TENM2: variants seen among roughly 807,000 people sequenced by gnomAD.
TENM2 encodes the protein teneurin transmembrane protein 2.
In TENM2, 52 loss-of-function variants were observed where a neutral mutation model predicts 245.2. That is an observed-to-expected ratio of 0.21 (90% CI 0.17 to 0.27). TENM2 has a LOEUF of 0.27. Among genes scored for constraint, TENM2 ranks in the 10% least tolerant of loss-of-function variants. The pLI is 1.00. For synonymous variants in TENM2, 1,363 were observed against 1,438.9 expected (o/e 0.95, Z 1.19); for missense variants, 3,046 against 3,666.8 (o/e 0.83, Z 4.37).
intron 2 of TENM2, among the ~76,000 whole-genome samples, chr5:167,663,141 GGA>G (rs544699415): frequency 0.072 from 7,830 of 108,580 alleles, 84 homozygotes; most frequent in Middle Eastern, 0.11. Context: ...ATGGGGATGG[GGA>G]GAGAGAGAGA....
chr5:167,895,117 G>A (rs1382314950), intron 3 of TENM2, among the ~76,000 whole-genome samples: 1 of 152,072 alleles, frequency 6.6e-6, no homozygotes, highest in Non-Finnish European at 1.5e-5. Context: ...CCTTTAACAT[G>A]TTTATGTGAA....
intron 2 of TENM2, among the ~76,000 whole-genome samples, chr5:167,438,128 T>C (rs534705191): frequency 6.6e-6 from 1 of 152,190 alleles, no homozygotes; most frequent in Non-Finnish European, 1.5e-5. Flanking sequence ...TCCAGGTTAA[T>C]TTGTAATCTG....
At chr5:167,311,758 G>T (rs944880692) in intron 1 of TENM2, among the ~76,000 whole-genome samples, 1 of 152,034 alleles carries the variant, frequency 6.6e-6, no homozygotes, top group African/African-American at 2.4e-5. Context: ...AATGTTTGGG[G>T]CATGCATCTA....
chr5:167,509,614 GTAAT>G (rs1289405079), intron 2 of TENM2, among the ~76,000 whole-genome samples: 1 of 152,052 alleles, frequency 6.6e-6, no homozygotes, highest in Non-Finnish European at 1.5e-5. Context: ...GGTTTAATGG[GTAAT>G]TAAAGCCACT....
In TENM2 at chr5:168,102,927, C is replaced by T. The variant is rs567953722; in HGVS notation, c.1813+4800C>T. On this transcript the variant is annotated intron_variant, in intron 9 of 28. Coordinates refer to ENST00000518659, the Ensembl canonical transcript of TENM2. ...CAAGTTTTAGGGTACATGTGCACAA[C>T]GTGCATGTTTGTTACATATGTATAC... 1.1e-4 allele frequency among the ~76,000 whole-genome samples: 17 copies of T among 152,102 alleles called. No individual in the cohort carries two copies. In the East Asian group the frequency reaches 1.4e-3, roughly 12 times the overall value.
chr5:167,132,763 G>A, the TENM2 span, among the ~76,000 whole-genome samples: 1 of 152,182 alleles, frequency 6.6e-6, no homozygotes, highest in Non-Finnish European at 1.5e-5. Context: ...CAAATATGGA[G>A]ATATTTATGG....
At chr5:168,034,339 T>TAA (rs5873085) in intron 5 of TENM2, among the ~76,000 whole-genome samples, 3 of 119,622 alleles carry the variant, frequency 2.5e-5, no homozygotes, top group Non-Finnish European at 1.8e-5. Flanking sequence ...AGACTCCGTC[T>TAA]AAAAAAAAAA....
chr5:168,133,858 A>G (rs1293327260), intron 12 of TENM2, among the ~76,000 whole-genome samples: 1 of 152,220 alleles, frequency 6.6e-6, no homozygotes, highest in Non-Finnish European at 1.5e-5. Flanking sequence ...AGTTTTTAAG[A>G]ACACAGGATT....
At chr5:167,672,514 T>C (rs189832456) in intron 2 of TENM2, among the ~76,000 whole-genome samples, 1 of 152,170 alleles carries the variant, frequency 6.6e-6, no homozygotes, top group East Asian at 1.9e-4. Context: ...ATGGATCACA[T>C]ACATACCCCA....
intron 10 of TENM2, among the ~76,000 whole-genome samples, chr5:168,122,428 G>A (rs1331719513): frequency 1.3e-5 from 2 of 151,962 alleles, no homozygotes; most frequent in African/African-American, 2.4e-5. Context: ...CACCCACCTC[G>A]GCCTCCCAAA....
chr5:167,980,721 G>A (rs553151437), intron 4 of TENM2, among the ~76,000 whole-genome samples: 2 of 152,326 alleles, frequency 1.3e-5, no homozygotes, highest in Admixed American at 6.5e-5. Flanking sequence ...TGGGTAAAGT[G>A]GAAAGAGGGA....
intron 25 of TENM2, among the ~76,000 whole-genome samples, chr5:168,238,060 G>A (rs1215871178): frequency 6.6e-6 from 1 of 150,628 alleles, no homozygotes; most frequent in Non-Finnish European, 1.5e-5. Flanking sequence ...CAGGAGAATG[G>A]TGTGAACCCG....
At chr5:167,251,851 A>C in the TENM2 span, among the ~76,000 whole-genome samples, 5 of 152,174 alleles carry the variant, frequency 3.3e-5, no homozygotes, top group East Asian at 9.7e-4. Context: ...GAGCATTGAG[A>C]TTCTAGCCCA....
chr5:167,052,430 T>A, the TENM2 span, among the ~76,000 whole-genome samples: 23 of 152,162 alleles, frequency 1.5e-4, no homozygotes, highest in Non-Finnish European at 1.6e-4. Flanking sequence ...TCAATTATGC[T>A]CCAAGCAGAG....
intron 2 of TENM2, among the ~76,000 whole-genome samples, chr5:167,733,398 T>G (rs77062443): frequency 0.023 from 3,452 of 152,240 alleles, 115 homozygotes; most frequent in African/African-American, 0.079. Flanking sequence ...TATGACTAAT[T>G]TCAAGCCACC....
the TENM2 span, among the ~76,000 whole-genome samples, chr5:167,069,696 A>G: frequency 1.4e-4 from 21 of 152,322 alleles, no homozygotes; most frequent in Middle Eastern, 0.01. Flanking sequence ...GCCAAAGTGT[A>G]AGCAGTGGTT....
chr5:167,170,542 T>A, the TENM2 span, among the ~76,000 whole-genome samples: 2 of 152,216 alleles, frequency 1.3e-5, no homozygotes, highest in Non-Finnish European at 2.9e-5. Context: ...ACGTATCATG[T>A]AAGTTGTTTA....
At chr5:167,411,400 A>G (rs1346030997) in intron 2 of TENM2, among the ~76,000 whole-genome samples, 1 of 152,132 alleles carries the variant, frequency 6.6e-6, no homozygotes, top group Non-Finnish European at 1.5e-5. Context: ...TGTGAAGCAT[A>G]AACAAAAGTG....
chr5:168,035,496 CAAAAAAAA>C (rs397949588), intron 5 of TENM2, among the ~76,000 whole-genome samples: 1 of 69,244 alleles, frequency 1.4e-5, no homozygotes, highest in Non-Finnish European at 3.2e-5. Flanking sequence ...GACCCTGTCT[CAAAAAAAA>C]AAAAAAAAAA....
Sources: allele counts gnomAD v4.1 joint callset (sites outside exome capture counted in the v4.1 genomes callset), GRCh38; gene constraint gnomAD v4.1.1; transcripts MANE v1.5; gene names NCBI Gene and HGNC (gene_info 2026-07-23, HGNC 2026-07-21).